Variants in ASTN1 observed in about 807,000 individuals in gnomAD.
ASTN1 encodes astrotactin-1.
Under a neutral mutation model 140.7 loss-of-function variants are expected in ASTN1, and 41 were observed. The ratio of observed to expected loss-of-function variants is 0.29; its 90% CI spans 0.23 to 0.38. The LOEUF (loss-of-function observed/expected upper bound fraction) is 0.38. Ranked by LOEUF, ASTN1 falls within the 10% of genes least tolerant of loss-of-function variation. ASTN1 has a pLI of 1.00. For synonymous variants in ASTN1, 640 were observed against 652.2 expected (o/e 0.98, Z 0.29); for missense variants, 1,479 against 1,678.8 (o/e 0.88, Z 2.08).
chr1:177,097,857 C>A (rs1033676671), intron 1 of ASTN1, among the ~76,000 whole-genome samples: 3 of 152,098 alleles, frequency 2.0e-5, no homozygotes, highest in African/African-American at 7.2e-5. Context: ...CCGTAAAACC[C>A]CTAAATGACA....
intron 17 of ASTN1, among the ~76,000 whole-genome samples, chr1:176,890,111 C>A (rs1052824193): frequency 6.6e-6 from 1 of 152,186 alleles, no homozygotes; most frequent in Non-Finnish European, 1.5e-5. Flanking sequence ...CGAGGATGCA[C>A]AAGACACCTG....
At chr1:177,143,651 T>C (rs1481089002) in intron 1 of ASTN1, among the ~76,000 whole-genome samples, 1 of 152,238 alleles carries the variant, frequency 6.6e-6, no homozygotes, top group Non-Finnish European at 1.5e-5. Flanking sequence ...AAGTCACTTT[T>C]ATGTTTTTTA....
At chr1:176,990,202 T>G (rs1289648761) in intron 8 of ASTN1, among the ~76,000 whole-genome samples, 1 of 113,306 alleles carries the variant, frequency 8.8e-6, no homozygotes, top group Non-Finnish European at 1.6e-5. Context: ...TCAACTGATG[T>G]TCACAGCCCA....
intron 5 of ASTN1, among the ~76,000 whole-genome samples, chr1:177,026,393 G>T (rs1451308836): frequency 2.6e-5 from 4 of 152,050 alleles, no homozygotes; most frequent in African/African-American, 9.7e-5. Context: ...CCAGCCAATG[G>T]CACTGCCACA....
At chr1:176,988,327 A>AAC (rs1553239102) in intron 8 of ASTN1, among the ~76,000 whole-genome samples, 1 of 150,532 alleles carries the variant, frequency 6.6e-6, no homozygotes, top group Non-Finnish European at 1.5e-5. Flanking sequence ...GAAAAAAAAA[A>AAC]AAAAAACCTT....
intron 16 of ASTN1, among the ~76,000 whole-genome samples, chr1:176,899,207 G>C (rs959404987): frequency 2.6e-5 from 4 of 152,236 alleles, no homozygotes; most frequent in Non-Finnish European, 4.4e-5. Context: ...CAGTGGATGA[G>C]TTTCCCCAAT....
chr1:177,149,654 T>TGTATATATATAGTAAATATATATACACC, intron 1 of ASTN1, among the ~76,000 whole-genome samples: 3 of 80,770 alleles, frequency 3.7e-5, no homozygotes, highest in South Asian at 3.8e-4. Flanking sequence ...ATATATACAC[T>TGTATATATATAGTAAATATATATACACC]GTATATATAT....
At chr1:177,122,470 T>C (rs1681449237) in intron 1 of ASTN1, among the ~76,000 whole-genome samples, 1 of 152,122 alleles carries the variant, frequency 6.6e-6, no homozygotes, top group Non-Finnish European at 1.5e-5. Flanking sequence ...AGCCTCAACT[T>C]CCAAGGTCAA....
chr1:176,899,598 T>C (rs1669678807), intron 16 of ASTN1, among the ~76,000 whole-genome samples: 1 of 152,092 alleles, frequency 6.6e-6, no homozygotes, highest in Non-Finnish European at 1.5e-5. Context: ...CAGCTTAGGA[T>C]CTACAGGAAA....
intron 1 of ASTN1, among the ~76,000 whole-genome samples, chr1:177,124,696 T>C (rs1398514395): frequency 6.6e-6 from 1 of 152,182 alleles, no homozygotes; most frequent in Non-Finnish European, 1.5e-5. Flanking sequence ...GAGATTAAGT[T>C]CTCTTTATTA....
At chr1:176,910,026 T>A (rs1303135234) in intron 16 of ASTN1, among the ~76,000 whole-genome samples, 1 of 152,216 alleles carries the variant, frequency 6.6e-6, no homozygotes, top group African/African-American at 2.4e-5. Context: ...TCTGCATGTA[T>A]GTTTGTGCAT....
intron 16 of ASTN1, among the ~76,000 whole-genome samples, chr1:176,915,096 A>G (rs1226749312): frequency 6.6e-6 from 1 of 152,228 alleles, no homozygotes; most frequent in Non-Finnish European, 1.5e-5. Flanking sequence ...AATATTTATT[A>G]CAAGTACCCA....
rs1053287423 is a variant in ASTN1 at position 176,884,570 on chromosome 1, C to T, written c.3075-80G>A. The T allele has an allele frequency of 4.8e-6, 7 of 1,456,174 alleles. No individual in the cohort carries two copies. The African/African-American group carries it at 9.8e-5, about 20-fold the overall frequency. 90.2% of individuals were successfully genotyped at this position (1,456,174 alleles called of 1,614,324 possible). A position where few individuals can be genotyped will look rare whatever the true frequency, so the allele number is the denominator to read the frequency against. On this transcript the variant is annotated intron_variant, in intron 18 of 22. Coordinates refer to ENST00000361833, the MANE Select transcript of ASTN1 (RefSeq NM_004319.3). ...GGCACTGACTACCTCAATTGTGATA[C>T]TGTAAGCTTTTCTTTCCCAACCAAC...
At chr1:177,149,269 C>CTATATATAGTAAATATATATATAGTA (rs1368319509) in intron 1 of ASTN1, among the ~76,000 whole-genome samples, 4 of 67,232 alleles carry the variant, frequency 5.9e-5, no homozygotes, top group African/African-American at 1.6e-4. Context: ...TATATATATA[C>CTATATATAGTAAATATATATATAGTA]TATATATAGT....
chr1:176,963,109 A>G (rs900432826), intron 9 of ASTN1, among the ~76,000 whole-genome samples: 13 of 152,218 alleles, frequency 8.5e-5, no homozygotes, highest in Non-Finnish European at 1.2e-4. Flanking sequence ...TAGAAAACAG[A>G]TTCAACTAAG....
chr1:176,884,683 A>G (rs1384853705), intron 18 of ASTN1, among the ~76,000 whole-genome samples, 193 bp from the exon 19 acceptor site: 1 of 152,228 alleles, frequency 6.6e-6, no homozygotes, highest in East Asian at 1.9e-4. Context: ...TATGTATTAA[A>G]TGCCTGTTAC....
intron 21 of ASTN1, among the ~76,000 whole-genome samples, chr1:176,873,328 T>C (rs1009486844): frequency 3.3e-5 from 5 of 152,158 alleles, no homozygotes; most frequent in African/African-American, 1.2e-4. Flanking sequence ...ATCTCATTAC[T>C]CACATGAGCT....
At chr1:176,923,781 A>T (rs1670840941) in intron 16 of ASTN1, among the ~76,000 whole-genome samples, 1 of 152,164 alleles carries the variant, frequency 6.6e-6, no homozygotes, top group Non-Finnish European at 1.5e-5. Context: ...AATAAAGGGG[A>T]CTACTGTATA....
intron 2 of ASTN1, among the ~76,000 whole-genome samples, chr1:177,038,263 C>A (rs1469776384): frequency 6.6e-6 from 1 of 152,230 alleles, no homozygotes; most frequent in Admixed American, 6.5e-5. Context: ...TCCATAGAAC[C>A]CTCCACATAA....
Sources: gnomAD v4.1 joint callset for allele counts (sites outside exome capture counted in the v4.1 genomes callset) on GRCh38, gnomAD v4.1.1 for gene constraint, MANE v1.5 for transcripts, NCBI Gene and HGNC (gene_info 2026-07-23, HGNC 2026-07-21) for gene names.